Variants in GRIK3 observed in about 807,000 individuals in gnomAD.
The protein encoded by GRIK3 is glutamate receptor ionotropic, kainate 3.
Under a neutral mutation model 102.5 loss-of-function variants are expected in GRIK3, and 29 were observed. That is an observed-to-expected ratio of 0.28 (90% CI 0.21 to 0.39). GRIK3 has a LOEUF of 0.39. Ranked by LOEUF, GRIK3 falls within the 10% of genes least tolerant of loss-of-function variation. The probability of loss-of-function intolerance (pLI) is 1.00; values close to 1 mark genes in which losing one functional copy is unlikely to be tolerated. For synonymous variants in GRIK3, 511 were observed against 504.9 expected (o/e 1.01, Z -0.16); for missense variants, 908 against 1,252.4 (o/e 0.73, Z 4.15).
Position 36,806,359 on chromosome 1 carries a change from C to T in GRIK3, c.2092-33G>A, listed in dbSNP as rs368954271. 283 of 1,398,610 alleles carry T rather than the reference C, an allele frequency of 2.0e-4. 1 individual carries two copies. In the African/African-American group the frequency reaches 3.3e-3, roughly 16 times the overall value. 86.6% of individuals were successfully genotyped at this position (1,398,610 alleles called of 1,614,324 possible). On this transcript the variant is annotated intron_variant, in intron 13 of 15. Transcript: ENST00000373091. This position sits in a 1 kb window ranked among gnomAD's most constrained non-coding sequence, Gnocchi z 4.0. ...GTGAGGGAAGGGGTGATGCACACAC[C>T]GTTACTAGGCGCACCAGGGACCAAG...
In GRIK3 at chr1:36,867,220, A is replaced by C. The variant is rs111785730; in HGVS notation, c.786+2528T>G. Among the ~76,000 whole-genome samples the C allele has an allele frequency of 8.1e-4, 124 of 152,282 alleles. 1 individual carries two copies. Among genetic ancestry groups the C allele is most frequent in the African/African-American group, 2.8e-3 (118 of 41,552 alleles). ...TGGGTACATCATATCCCAGTTGACC[A>C]TCCATTCCTCCTCTGCCTCTTCTCA... On this transcript the variant is annotated intron_variant, in intron 5 of 15. Transcript: ENST00000373091.
chr1:36,950,283 C>T (rs538768466), intron 1 of GRIK3, among the ~76,000 whole-genome samples: 85 of 152,326 alleles, frequency 5.6e-4, no homozygotes, highest in Non-Finnish European at 1.0e-3. Flanking sequence ...ATAATCATTC[C>T]TGCTCACAAA....
At chr1:36,985,646 G>A (rs1036642809) in intron 1 of GRIK3, among the ~76,000 whole-genome samples, 12 of 152,332 alleles carry the variant, frequency 7.9e-5, no homozygotes, top group African/African-American at 2.6e-4. Flanking sequence ...GGGGCATTGA[G>A]GGGCAGAGGA....
intron 1 of GRIK3, among the ~76,000 whole-genome samples, chr1:36,971,613 G>A (rs1441961556): frequency 6.6e-6 from 1 of 152,174 alleles, no homozygotes; most frequent in East Asian, 1.9e-4. Context: ...AGTGGGGAAA[G>A]GTTATACTTG....
At chr1:36,852,626 G>T (rs1209135494) in intron 8 of GRIK3, among the ~76,000 whole-genome samples, 2 of 152,230 alleles carry the variant, frequency 1.3e-5, no homozygotes, top group African/African-American at 4.8e-5. Flanking sequence ...AGGGCGGCAT[G>T]TTAAAATAAT....
At chr1:36,949,718 G>T (rs959643884) in intron 1 of GRIK3, among the ~76,000 whole-genome samples, 1 of 151,594 alleles carries the variant, frequency 6.6e-6, no homozygotes, top group African/African-American at 2.4e-5. Flanking sequence ...GGGATTACAG[G>T]TGTGTGCCAC....
intron 1 of GRIK3, among the ~76,000 whole-genome samples, chr1:36,982,638 C>T (rs1642261813): frequency 6.6e-6 from 1 of 152,220 alleles, no homozygotes; most frequent in Admixed American, 6.5e-5. Context: ...TCCCCGCCCT[C>T]AGCCAGGCCA....
intron 5 of GRIK3, 87 bp downstream of exon 5, chr1:36,869,661 C>A: frequency 9.8e-7 from 1 of 1,017,004 alleles, no homozygotes; most frequent in Non-Finnish European, 1.6e-6. Flanking sequence ...CAATTGTCTT[C>A]AGTGGGCTGG....
intron 4 of GRIK3, among the ~76,000 whole-genome samples, chr1:36,871,132 A>C (rs1640838218): frequency 6.6e-6 from 1 of 152,186 alleles, no homozygotes; most frequent in South Asian, 2.1e-4. Flanking sequence ...GGGGATTATG[A>C]ACCTCATCTA....
At chr1:37,008,976 C>T (rs566105290) in intron 1 of GRIK3, among the ~76,000 whole-genome samples, 18 of 152,176 alleles carry the variant, frequency 1.2e-4, no homozygotes, top group African/African-American at 3.9e-4. Context: ...CCAGACTGTC[C>T]GCAGTCAAAT....
intron 1 of GRIK3, among the ~76,000 whole-genome samples, chr1:36,996,651 T>A (rs2124019231): frequency 6.6e-6 from 1 of 152,334 alleles, no homozygotes; most frequent in South Asian, 2.1e-4. Flanking sequence ...GGTGTGTCTG[T>A]GGCCTCTACC....
intron 1 of GRIK3, among the ~76,000 whole-genome samples, chr1:36,924,089 TG>T (rs1641501542): frequency 1.3e-5 from 2 of 152,046 alleles, no homozygotes; most frequent in Non-Finnish European, 2.9e-5. Flanking sequence ...GAGACAGCGG[TG>T]GGGCTAAGGG....
chr1:36,879,063 C>T (rs557767374), intron 3 of GRIK3, among the ~76,000 whole-genome samples: 1 of 152,232 alleles, frequency 6.6e-6, no homozygotes, highest in South Asian at 2.1e-4. Context: ...TTTTCCCTTT[C>T]CTGCTTGCTC....
chr1:36,950,278 C>T (rs190547788), intron 1 of GRIK3, among the ~76,000 whole-genome samples: 37 of 152,320 alleles, frequency 2.4e-4, no homozygotes, highest in Admixed American at 2.2e-3. Context: ...TAAATATAAT[C>T]ATTCCTGCTC....
At chr1:36,888,007 T>A (rs1641060666) in intron 2 of GRIK3, among the ~76,000 whole-genome samples, 1 of 152,030 alleles carries the variant, frequency 6.6e-6, no homozygotes, top group Non-Finnish European at 1.5e-5. Flanking sequence ...GCTGAACATA[T>A]GTACATACTG....
chr1:37,015,666 T>C (rs1210840232), intron 1 of GRIK3, among the ~76,000 whole-genome samples: 2 of 152,188 alleles, frequency 1.3e-5, no homozygotes, highest in African/African-American at 2.4e-5. Context: ...AAGCACCCTG[T>C]TCCTGTCTAG....
At chr1:36,909,837 G>A (rs537356663) in intron 1 of GRIK3, among the ~76,000 whole-genome samples, 2 of 152,258 alleles carry the variant, frequency 1.3e-5, no homozygotes, top group African/African-American at 4.8e-5. Context: ...ATGATATGTT[G>A]TTATATGTTT....
intron 6 of GRIK3, 41 bp downstream of exon 6, chr1:36,859,803 G>A: frequency 6.7e-7 from 1 of 1,490,646 alleles, no homozygotes; most frequent in Non-Finnish European, 9.4e-7. Context: ...AAGGGAGGCA[G>A]GTGGGAAGCC....
chr1:36,817,344 G>T, intron 12 of GRIK3, 67 bp from the exon 13 acceptor site: 3 of 1,052,798 alleles, frequency 2.8e-6, no homozygotes, highest in Non-Finnish European at 4.4e-6. Flanking sequence ...AGTCCCCTGG[G>T]TCATGGATTC....
Sources: gnomAD v4.1 joint callset for allele counts (sites outside exome capture counted in the v4.1 genomes callset) on GRCh38, gnomAD v4.1.1 for gene constraint, Gnocchi (gnomAD v3.1) non-coding constraint, MANE v1.5 for transcripts, NCBI Gene and HGNC (gene_info 2026-07-23, HGNC 2026-07-21) for gene names.